The following SMIM14 variants were observed in gnomAD, a reference collection of about 807,000 sequenced individuals.
SMIM14 encodes the protein small integral membrane protein 14.
Under a neutral mutation model 12.6 loss-of-function variants are expected in SMIM14, and 5 were observed. The ratio of observed to expected loss-of-function variants is 0.40; its 90% CI spans 0.21 to 0.83. SMIM14 has a LOEUF of 0.83. Among genes scored for constraint, SMIM14 ranks in the 40% least tolerant of loss-of-function variants. The probability of loss-of-function intolerance (pLI) is 0.37; values close to 1 mark genes in which losing one functional copy is unlikely to be tolerated. For missense variants in SMIM14, 86 were observed against 119.1 expected (o/e 0.72, Z 1.29); for synonymous variants, 30 against 40.1 (o/e 0.75, Z 0.95).
chr4:39,605,017 A>G, intron 2 of SMIM14, 54 bp downstream of exon 2: 1 of 1,062,962 alleles, frequency 9.4e-7, no homozygotes, highest in Non-Finnish European at 1.4e-6. Flanking sequence ...TCATGAAAAG[A>G]GGATACAAGG....
chr4:39,588,770 T>C (rs974426541), intron 2 of SMIM14, among the ~76,000 whole-genome samples: 18 of 151,924 alleles, frequency 1.2e-4, no homozygotes, highest in African/African-American at 3.9e-4. Flanking sequence ...AGCCTTACTT[T>C]TAATGTATTG....
chr4:39,632,775 TCACACACACACACACA>T (rs369057968), intron 1 of SMIM14, among the ~76,000 whole-genome samples: 1,517 of 115,086 alleles, frequency 0.013, 27 homozygotes, highest in African/African-American at 0.044. Context: ...GAGACTCCCG[TCACACACACACACACA>T]CACACACACA....
chr4:39,586,505 TCTA>T (rs1169849721), intron 2 of SMIM14, among the ~76,000 whole-genome samples: 1 of 152,124 alleles, frequency 6.6e-6, no homozygotes, highest in Non-Finnish European at 1.5e-5. Flanking sequence ...GCCTTTATTT[TCTA>T]CTAAAATTCT....
At chr4:39,605,349 A>T (rs752876893) in intron 1 of SMIM14, among the ~76,000 whole-genome samples, 169 bp from the exon 2 acceptor site, 1 of 152,194 alleles carries the variant, frequency 6.6e-6, no homozygotes, top group African/African-American at 2.4e-5. Flanking sequence ...ATGAATTATG[A>T]ATCTATACAG....
intron 2 of SMIM14, chr4:39,592,531 A>G (rs1446078027): frequency 6.6e-6 from 1 of 152,156 alleles, no homozygotes; most frequent in Non-Finnish European, 1.5e-5. Flanking sequence ...TTTTTAAAAC[A>G]TTCTGATGAG....
At chr4:39,570,777 C>A (rs1712840887) in intron 3 of SMIM14, among the ~76,000 whole-genome samples, 2 of 152,092 alleles carry the variant, frequency 1.3e-5, no homozygotes, top group African/African-American at 4.8e-5. Context: ...CTGCCTCAGC[C>A]TCCCAAGTAG....
chr4:39,590,274 G>A (rs1012642550), intron 2 of SMIM14, among the ~76,000 whole-genome samples: 3 of 151,610 alleles, frequency 2.0e-5, no homozygotes, highest in East Asian at 2.0e-4. Context: ...TTAGCTGGGC[G>A]TGGTGGCGCT....
chr4:39,581,392 G>A (rs60877214), intron 2 of SMIM14, among the ~76,000 whole-genome samples: 11,067 of 152,052 alleles, frequency 0.073, 628 homozygotes, highest in East Asian at 0.21. Flanking sequence ...TTTTGTTTTT[G>A]CAGGCTACTT....
chr4:39,610,299 T>C (rs1714978724), intron 1 of SMIM14, among the ~76,000 whole-genome samples: 1 of 152,116 alleles, frequency 6.6e-6, no homozygotes, highest in African/African-American at 2.4e-5. Flanking sequence ...ATTTAACTTT[T>C]AAAAATGAAG....
intron 1 of SMIM14, among the ~76,000 whole-genome samples, chr4:39,631,347 G>A (rs1715888554): frequency 7.5e-6 from 1 of 132,944 alleles, no homozygotes; most frequent in Non-Finnish European, 1.6e-5. Context: ...AAAAAAAAAA[G>A]AGCAAACTTG....
chr4:39,631,307 G>A (rs865840322), intron 1 of SMIM14, among the ~76,000 whole-genome samples: 7 of 150,144 alleles, frequency 4.7e-5, no homozygotes, highest in Non-Finnish European at 8.8e-5. Flanking sequence ...ACTCTAGCCC[G>A]GGTGACAGAG....
intron 2 of SMIM14, among the ~76,000 whole-genome samples, chr4:39,572,759 T>C (rs1341352043): frequency 6.6e-5 from 10 of 152,032 alleles, no homozygotes. Flanking sequence ...GAGGCAAAGG[T>C]TGCAGTGAAC....
intron 1 of SMIM14, among the ~76,000 whole-genome samples, chr4:39,617,859 A>G: frequency 6.6e-6 from 1 of 152,364 alleles, no homozygotes; most frequent in East Asian, 1.9e-4. Flanking sequence ...ATTTTGTTAA[A>G]TTAAGTTTAA....
At chr4:39,592,676 AGAGAG>A (rs1714164239) in intron 2 of SMIM14, 1 of 152,152 alleles carries the variant, frequency 6.6e-6, no homozygotes, top group African/African-American at 2.4e-5. Context: ...TCTTCAGAAA[AGAGAG>A]AAGAATCAAA....
At chr4:39,606,669 A>G (rs1714824308) in intron 1 of SMIM14, among the ~76,000 whole-genome samples, 1 of 151,532 alleles carries the variant, frequency 6.6e-6, no homozygotes. Context: ...GACATTGAAC[A>G]TGAGGCTACA....
chr4:39,578,690 G>A (rs765139935), intron 2 of SMIM14, among the ~76,000 whole-genome samples: 24 of 151,858 alleles, frequency 1.6e-4, no homozygotes, highest in Non-Finnish European at 2.5e-4. Context: ...TTGAGGTGAG[G>A]AAACTTCAAA....
chr4:39,621,705 T>C (rs1715498230), intron 1 of SMIM14, among the ~76,000 whole-genome samples: 1 of 149,806 alleles, frequency 6.7e-6, no homozygotes, highest in Non-Finnish European at 1.5e-5. Flanking sequence ...TTTTTTTTTT[T>C]TTTTTGAGAA....
At chr4:39,555,481 C>G (rs1337260262) in intron 4 of SMIM14, among the ~76,000 whole-genome samples, 1 of 151,034 alleles carries the variant, frequency 6.6e-6, no homozygotes, top group Non-Finnish European at 1.5e-5. Flanking sequence ...GATCCGCCCC[C>G]CTTGGCCTCC....
intron 3 of SMIM14, among the ~76,000 whole-genome samples, chr4:39,568,995 G>T (rs1391039697): frequency 6.6e-6 from 1 of 152,156 alleles, no homozygotes; most frequent in East Asian, 1.9e-4. Context: ...TATAGGCGGG[G>T]CTGGTTAAAG....
Sources: allele counts gnomAD v4.1 joint callset (sites outside exome capture counted in the v4.1 genomes callset), GRCh38; gene constraint gnomAD v4.1.1; transcripts MANE v1.5; gene names NCBI Gene and HGNC (gene_info 2026-07-23, HGNC 2026-07-21).